FAM240B: variants seen among roughly 807,000 people sequenced by gnomAD.
FAM240B encodes the protein family with sequence similarity 240 member B.
At chr9:38,709,813 G>A (rs1235462825) in intron 1 of FAM240B, among the ~76,000 whole-genome samples, 1 of 152,174 alleles carries the variant, frequency 6.6e-6, no homozygotes, top group Non-Finnish European at 1.5e-5. Flanking sequence ...AAACTCAGGT[G>A]TCTCCATTCT....
At chr9:38,712,311 C>T (rs1208391865) in intron 1 of FAM240B, among the ~76,000 whole-genome samples, 1 of 152,146 alleles carries the variant, frequency 6.6e-6, no homozygotes, top group Non-Finnish European at 1.5e-5. Context: ...GTCCATATGA[C>T]CATTATGAAG....
intron 1 of FAM240B, among the ~76,000 whole-genome samples, chr9:38,707,793 C>CAAAA (rs11300800): frequency 1.5e-4 from 16 of 109,388 alleles, no homozygotes; most frequent in South Asian, 3.4e-4. Context: ...GACTCGGTCT[C>CAAAA]AAAAAAAAAA....
intron 1 of FAM240B, among the ~76,000 whole-genome samples, chr9:38,708,601 C>A (rs1367219611): frequency 6.6e-6 from 1 of 152,156 alleles, no homozygotes; most frequent in Non-Finnish European, 1.5e-5. Context: ...TTGCTCGGAG[C>A]CCCTTTGCTT....
chr9:38,719,945 G>A (rs1821352546), intron 1 of FAM240B, 77 bp downstream of exon 1: 2 of 152,166 alleles, frequency 1.3e-5, no homozygotes, highest in Admixed American at 1.3e-4. Context: ...ACATATAAGG[G>A]GTGATGTCTG....
chr9:38,699,647 G>A (rs1289703488), intron 2 of FAM240B, among the ~76,000 whole-genome samples: 3 of 152,154 alleles, frequency 2.0e-5, no homozygotes, highest in East Asian at 1.9e-4. Flanking sequence ...GGCTGGGAGC[G>A]GCCTGGGGGA....
chr9:38,701,232 G>A (rs1381266100), intron 2 of FAM240B, among the ~76,000 whole-genome samples: 1 of 152,138 alleles, frequency 6.6e-6, no homozygotes, highest in African/African-American at 2.4e-5. Context: ...GCCCACAGGG[G>A]TGGAATAGGG....
In FAM240B at chr9:38,720,013, G is replaced by A. The variant is rs1288669967; in HGVS notation, c.-4+9C>T. 1 of 149,378 alleles carries A rather than the reference G, an allele frequency of 6.7e-6. No homozygotes were observed. The highest frequency in any genetic ancestry group is 6.7e-5 in the Admixed American group (1 of 14,860). The allele number at this position is 149,378 out of a possible 1,614,324, so 9.3% of individuals were successfully genotyped here. A position where few individuals can be genotyped will look rare whatever the true frequency, so the allele number is the denominator to read the frequency against. On this transcript the variant is annotated intron_variant, in intron 1 of 2. Transcript: ENST00000637493. ...CCACACTTGACAACACAAGCTCAATGTACTGTACCTTAAAGATGAATTTGC... is the reference window on the plus strand; with the variant it reads ...CCACACTTGACAACACAAGCTCAATATACTGTACCTTAAAGATGAATTTGC...
chr9:38,702,256 C>CTG (rs1563999537), intron 2 of FAM240B, among the ~76,000 whole-genome samples: 2 of 152,156 alleles, frequency 1.3e-5, no homozygotes, highest in Admixed American at 6.5e-5. Flanking sequence ...GTCCATTAGG[C>CTG]CACCAGGAGT....
In FAM240B at chr9:38,694,647, A is replaced by C. The variant is rs907266402; in HGVS notation, c.*129T>G. On this transcript the variant is annotated 3_prime_UTR_variant, in exon 3 of 3. Coordinates refer to ENST00000637493, the MANE Select transcript of FAM240B (RefSeq NM_001394922.1). ...GCACTGGGGGAGGTTTCACATGTAA[A>C]TCCCCTAGCAAATGGAAGCACAAAT... 5.1e-6 allele frequency: 2 copies of C among 395,964 alleles called. No individual in the cohort carries two copies. Among genetic ancestry groups the C allele is most frequent in the African/African-American group, 4.1e-5 (2 of 48,568 alleles). 24.5% of individuals were successfully genotyped at this position (395,964 alleles called of 1,614,324 possible). A position where few individuals can be genotyped will look rare whatever the true frequency, so the allele number is the denominator to read the frequency against.
intron 1 of FAM240B, among the ~76,000 whole-genome samples, chr9:38,707,359 G>A (rs1035099066): frequency 2.0e-5 from 3 of 152,108 alleles, no homozygotes; most frequent in Admixed American, 2.0e-4. Flanking sequence ...GGTGTGGTTT[G>A]GATATGGAAG....
chr9:38,716,922 G>A (rs1409253770), intron 1 of FAM240B, among the ~76,000 whole-genome samples: 2 of 152,222 alleles, frequency 1.3e-5, no homozygotes, highest in African/African-American at 2.4e-5. Flanking sequence ...AGTGAGAATA[G>A]AATTGTGGGG....
chr9:38,698,471 T>A (rs1821090595), intron 2 of FAM240B, among the ~76,000 whole-genome samples: 1 of 152,206 alleles, frequency 6.6e-6, no homozygotes, highest in African/African-American at 2.4e-5. Flanking sequence ...CATTGTGCAT[T>A]TTCTTATTAT....
chr9:38,697,285 C>T (rs1160983711), intron 2 of FAM240B, among the ~76,000 whole-genome samples: 1 of 152,188 alleles, frequency 6.6e-6, no homozygotes, highest in Non-Finnish European at 1.5e-5. Flanking sequence ...TTCTTGCAGG[C>T]TGCTCTAAGA....
chr9:38,695,155 C>G (rs1336506384), intron 2 of FAM240B, among the ~76,000 whole-genome samples: 4 of 152,152 alleles, frequency 2.6e-5, no homozygotes. Context: ...TGCAGCAAAC[C>G]ACCATGACAC....
At chr9:38,713,969 T>C (rs1821284246) in intron 1 of FAM240B, among the ~76,000 whole-genome samples, 1 of 152,208 alleles carries the variant, frequency 6.6e-6, no homozygotes, top group African/African-American at 2.4e-5. Context: ...CACAACTTCT[T>C]ATGCAGAGCC....
intron 1 of FAM240B, among the ~76,000 whole-genome samples, chr9:38,706,480 G>C (rs1321625518): frequency 3.3e-5 from 5 of 152,218 alleles, no homozygotes; most frequent in African/African-American, 9.7e-5. Flanking sequence ...TTCTTGAACA[G>C]AAGCTCAGTC....
intron 1 of FAM240B, among the ~76,000 whole-genome samples, chr9:38,717,989 A>G (rs1218460533): frequency 6.6e-6 from 1 of 152,230 alleles, no homozygotes; most frequent in Non-Finnish European, 1.5e-5. Context: ...TTGTATTTCC[A>G]TCTTATTGGA....
At chr9:38,710,440 CT>C (rs1292404001) in intron 1 of FAM240B, among the ~76,000 whole-genome samples, 1 of 152,194 alleles carries the variant, frequency 6.6e-6, no homozygotes, top group Non-Finnish European at 1.5e-5. Context: ...TTGAGTTATT[CT>C]GGTTATTTTT....
At chr9:38,707,121 T>A (rs938268416) in intron 1 of FAM240B, among the ~76,000 whole-genome samples, 1 of 152,256 alleles carries the variant, frequency 6.6e-6, no homozygotes, top group African/African-American at 2.4e-5. Flanking sequence ...CAGATTTTTT[T>A]AAATTACAAA....
Sources: gnomAD v4.1 joint callset for allele counts (sites outside exome capture counted in the v4.1 genomes callset) on GRCh38, gnomAD v4.1.1 for gene constraint, MANE v1.5 for transcripts, NCBI Gene and HGNC (gene_info 2026-07-23, HGNC 2026-07-21) for gene names.